The following CHST8 variants were observed in gnomAD, a reference collection of about 807,000 sequenced individuals.
CHST8 encodes the protein carbohydrate sulfotransferase 8.
CHST8 carries 10 observed loss-of-function variants against 15.0 expected under a neutral mutation model. The observed-to-expected ratio is 0.67, with a 90% CI of 0.41 to 1.13. The LOEUF (loss-of-function observed/expected upper bound fraction) is 1.13. Ranked by LOEUF, CHST8 falls within the 50% of genes most tolerant of loss-of-function variation. The pLI, the probability that CHST8 is intolerant of heterozygous loss-of-function variation, is 0.00. For synonymous variants in CHST8, 259 were observed against 256.6 expected (o/e 1.01, Z -0.09); for missense variants, 634 against 608.2 (o/e 1.04, Z -0.45).
intron 1 of CHST8, among the ~76,000 whole-genome samples, chr19:33,664,897 G>A (rs1972635789): frequency 6.6e-6 from 1 of 152,134 alleles, no homozygotes; most frequent in Admixed American, 6.5e-5. Flanking sequence ...ATGGTCTCCA[G>A]TTCCATCCAT....
At chr19:33,634,066 C>A (rs929563341) in intron 1 of CHST8, among the ~76,000 whole-genome samples, 2 of 151,668 alleles carry the variant, frequency 1.3e-5, no homozygotes, top group African/African-American at 2.4e-5. Flanking sequence ...GCGATCCTCC[C>A]GCCTTGGCCT....
chr19:33,638,152 C>T (rs17761174), intron 1 of CHST8, among the ~76,000 whole-genome samples: 2 of 152,092 alleles, frequency 1.3e-5, no homozygotes, highest in South Asian at 4.1e-4. Context: ...TTTTGCTGGT[C>T]GGAAAGTGTT....
intron 3 of CHST8, among the ~76,000 whole-genome samples, chr19:33,750,268 T>A (rs1460226375): frequency 3.3e-5 from 5 of 152,176 alleles, no homozygotes; most frequent in Non-Finnish European, 5.9e-5. Context: ...AGTAGGGTCC[T>A]GGCTGAGTTC....
chr19:33,665,848 T>A (rs1282319618), intron 1 of CHST8, among the ~76,000 whole-genome samples: 1 of 152,130 alleles, frequency 6.6e-6, no homozygotes, highest in African/African-American at 2.4e-5. Context: ...GGGAAAGTGA[T>A]CAGGGCCCCA....
At chr19:33,714,776 C>T (rs1317149105) in intron 3 of CHST8, among the ~76,000 whole-genome samples, 7 of 152,302 alleles carry the variant, frequency 4.6e-5, no homozygotes, top group Non-Finnish European at 1.5e-5. Flanking sequence ...GGGAATTTCC[C>T]ACACAGTCTC....
At chr19:33,671,188 G>A (rs1325393735) in intron 2 of CHST8, among the ~76,000 whole-genome samples, 2 of 152,170 alleles carry the variant, frequency 1.3e-5, no homozygotes, top group Non-Finnish European at 2.9e-5. Context: ...CATCAGAAAA[G>A]CTCATGGCCG....
intron 2 of CHST8, among the ~76,000 whole-genome samples, chr19:33,675,590 G>C (rs946654734): frequency 3.9e-5 from 6 of 152,234 alleles, no homozygotes; most frequent in Non-Finnish European, 8.8e-5. Flanking sequence ...AACCACGCAA[G>C]AGCTGGTTTC....
At chr19:33,677,354 A>G (rs1345759482) in intron 2 of CHST8, among the ~76,000 whole-genome samples, 2 of 152,228 alleles carry the variant, frequency 1.3e-5, no homozygotes, top group Non-Finnish European at 2.9e-5. Flanking sequence ...TTGAGCGATG[A>G]GGGCATGTGA....
chr19:33,655,914 A>G (rs1428648161), intron 1 of CHST8, among the ~76,000 whole-genome samples: 1 of 152,126 alleles, frequency 6.6e-6, no homozygotes, highest in Non-Finnish European at 1.5e-5. Context: ...TGACTTGTTA[A>G]GGCTTATTTT....
At chr19:33,650,581 G>GAGTA (rs904722754) in intron 1 of CHST8, among the ~76,000 whole-genome samples, 14 of 124,240 alleles carry the variant, frequency 1.1e-4, no homozygotes, top group Admixed American at 2.0e-4. Context: ...GTCCAGGCTG[G>GAGTA]AGTATAGTGG....
intron 3 of CHST8, among the ~76,000 whole-genome samples, chr19:33,705,421 G>T (rs1973427689): frequency 6.6e-6 from 1 of 152,238 alleles, no homozygotes; most frequent in South Asian, 2.1e-4. Flanking sequence ...ATACAGGGAA[G>T]GCAAGGGCCA....
chr19:33,682,427 A>C (rs1216892716), intron 2 of CHST8, among the ~76,000 whole-genome samples: 2 of 152,122 alleles, frequency 1.3e-5, no homozygotes, highest in Non-Finnish European at 2.9e-5. Flanking sequence ...CACCCAGTTC[A>C]TAATCATTTT....
chr19:33,717,688 T>G (rs1973687420), intron 3 of CHST8, among the ~76,000 whole-genome samples: 1 of 151,934 alleles, frequency 6.6e-6, no homozygotes, highest in East Asian at 1.9e-4. Context: ...GGTGAGTGAG[T>G]TAGGATGTTA....
At chr19:33,691,185 T>C (rs1405796101) in intron 3 of CHST8, among the ~76,000 whole-genome samples, 1 of 152,176 alleles carries the variant, frequency 6.6e-6, no homozygotes, top group Admixed American at 6.5e-5. Context: ...TACGTGTGGA[T>C]TACAGGTGGG....
chr19:33,701,568 G>A (rs1973336955), intron 3 of CHST8, among the ~76,000 whole-genome samples: 1 of 152,176 alleles, frequency 6.6e-6, no homozygotes, highest in Non-Finnish European at 1.5e-5. Flanking sequence ...CAATAAGAGT[G>A]AGACTTATGT....
intron 1 of CHST8, among the ~76,000 whole-genome samples, chr19:33,632,221 C>A (rs537899322): frequency 7.2e-5 from 11 of 152,046 alleles, no homozygotes; most frequent in African/African-American, 2.7e-4. Flanking sequence ...CTCACAGCAA[C>A]CTCCATCCCC....
At chr19:33,717,704 C>T (rs866595339) in intron 3 of CHST8, among the ~76,000 whole-genome samples, 7 of 152,186 alleles carry the variant, frequency 4.6e-5, no homozygotes, top group Middle Eastern at 6.8e-3. Flanking sequence ...TGTTAATGAG[C>T]ATACAGCGAG....
intron 1 of CHST8, among the ~76,000 whole-genome samples, chr19:33,662,409 C>T (rs1037500914): frequency 6.6e-6 from 1 of 152,178 alleles, no homozygotes; most frequent in East Asian, 1.9e-4. Flanking sequence ...CACTCCACAC[C>T]CAGCTACATC....
intron 3 of CHST8, among the ~76,000 whole-genome samples, chr19:33,757,475 A>AG (rs1568358575): frequency 2.3e-5 from 1 of 44,348 alleles, no homozygotes; most frequent in Non-Finnish European, 4.7e-5. Context: ...AGAAAGAAAG[A>AG]AAGAAAGAAA....
Sources: allele counts gnomAD v4.1 joint callset (sites outside exome capture counted in the v4.1 genomes callset), GRCh38; gene constraint gnomAD v4.1.1; transcripts MANE v1.5; gene names NCBI Gene and HGNC (gene_info 2026-07-23, HGNC 2026-07-21).